EYS: variants seen among roughly 807,000 people sequenced by gnomAD.
The protein encoded by EYS is EGF-like photoreceptor maintenance factor, also known as protein eyes shut homolog.
EYS carries 250 observed loss-of-function variants against 282.1 expected under a neutral mutation model. That is an observed-to-expected ratio of 0.89 (90% confidence interval 0.80 to 0.98). The LOEUF is 0.98. Ranked by LOEUF, EYS falls within the 50% of genes least tolerant of loss-of-function variation. The pLI is 0.00. For synonymous variants in EYS, 1,355 were observed against 1,282.9 expected, an observed-to-expected ratio of 1.06 and a Z score of -1.20; for missense variants, 4,016 against 3,709.0, an observed-to-expected ratio of 1.08 and a Z score of -2.15.
intron 34 of EYS, among the ~76,000 whole-genome samples, chr6:63,985,265 T>C (rs1333900264): frequency 6.6e-6 from 1 of 151,632 alleles, no homozygotes; most frequent in African/African-American, 2.4e-5. Context: ...GGGTGATGCA[T>C]CTATGGGCTA....
intron 15 of EYS, among the ~76,000 whole-genome samples, chr6:64,916,797 A>G (rs1453431724): frequency 6.6e-6 from 1 of 152,230 alleles, no homozygotes; most frequent in Non-Finnish European, 1.5e-5. Flanking sequence ...AGGTTAATAC[A>G]TTCTAATTTG....
chr6:64,469,902 G>A (rs1776065528), intron 26 of EYS, among the ~76,000 whole-genome samples: 1 of 152,108 alleles, frequency 6.6e-6, no homozygotes, highest in African/African-American at 2.4e-5. Flanking sequence ...GATAATAGTA[G>A]CAAAATTAGT....
At chr6:63,792,785 G>T (rs1390906944) in intron 37 of EYS, among the ~76,000 whole-genome samples, 3 of 151,994 alleles carry the variant, frequency 2.0e-5, no homozygotes, top group Non-Finnish European at 2.9e-5. Context: ...AGTTGCATGG[G>T]GCTTTAAGTT....
intron 26 of EYS, among the ~76,000 whole-genome samples, chr6:64,515,445 T>C (rs375802820): frequency 1.3e-5 from 2 of 151,484 alleles, no homozygotes; most frequent in East Asian, 3.9e-4. Flanking sequence ...AAAATTGTTA[T>C]GGACACCTGT....
chr6:64,442,937 A>G (rs1367506806), intron 26 of EYS, among the ~76,000 whole-genome samples: 2 of 140,094 alleles, frequency 1.4e-5, no homozygotes, highest in African/African-American at 5.2e-5. Context: ...CAGAGTCCCT[A>G]CTGGGGCACT....
intron 12 of EYS, among the ~76,000 whole-genome samples, chr6:65,156,648 C>T (rs1216675086): frequency 6.6e-6 from 1 of 151,160 alleles, no homozygotes; most frequent in Admixed American, 6.6e-5. Flanking sequence ...GTCATTAGGA[C>T]TGTGACATGA....
chr6:65,666,812 TA>T (rs1487677678), intron 1 of EYS, among the ~76,000 whole-genome samples: 1 of 151,366 alleles, frequency 6.6e-6, no homozygotes, highest in Non-Finnish European at 1.5e-5. Context: ...CTTTATCTGT[TA>T]TTTGTATTTC....
At chr6:64,634,001 T>C (rs1767883082) in intron 22 of EYS, among the ~76,000 whole-genome samples, 3 of 152,126 alleles carry the variant, frequency 2.0e-5, no homozygotes, top group Admixed American at 2.0e-4. Flanking sequence ...TTTGTTTGTT[T>C]GAGATAGAGT....
intron 29 of EYS, among the ~76,000 whole-genome samples, chr6:64,333,702 A>G (rs534866677): frequency 6.6e-6 from 1 of 152,288 alleles, no homozygotes; most frequent in African/African-American, 2.4e-5. Flanking sequence ...GAAAACCCAA[A>G]GGACCCAAGT....
chr6:65,552,268 A>G (rs1302039400), intron 2 of EYS, among the ~76,000 whole-genome samples: 4 of 152,098 alleles, frequency 2.6e-5, no homozygotes. Flanking sequence ...GTCTTTAAAG[A>G]TTGCTTTTAC....
At chr6:63,739,437 T>A (rs1769016752) in intron 41 of EYS, among the ~76,000 whole-genome samples, 1 of 152,110 alleles carries the variant, frequency 6.6e-6, no homozygotes, top group African/African-American at 2.4e-5. Context: ...CTTCCTGTCA[T>A]CTTCTCTTTA....
intron 22 of EYS, among the ~76,000 whole-genome samples, chr6:64,799,900 T>G (rs1263051488): frequency 6.6e-6 from 1 of 151,868 alleles, no homozygotes; most frequent in Non-Finnish European, 1.5e-5. Context: ...AAAATACTAA[T>G]AACATTCTCT....
chr6:65,003,693 C>T (rs919741035), intron 13 of EYS, among the ~76,000 whole-genome samples: 1 of 147,000 alleles, frequency 6.8e-6, no homozygotes, highest in Non-Finnish European at 1.5e-5. Context: ...GTACTCTGTC[C>T]CTTTATTTCT....
rs1357411188 is a variant in EYS, at chr6:63,834,433, G to A, written c.7229-28061C>T. Among the ~76,000 whole-genome samples, 3 of 151,970 alleles carry A rather than the reference G, an allele frequency of 2.0e-5. No individual in the cohort carries two copies. In the East Asian group the frequency reaches 5.8e-4, roughly 29 times the overall value. On this transcript the variant is annotated intron_variant, in intron 36 of 42. Coordinates refer to ENST00000503581, the MANE Select transcript of EYS (RefSeq NM_001142800.2). ...TTCTCAAAAGAAGACATTCATACAG[G>A]CAACAGACACATGAAAAAATGCTCA...
intron 29 of EYS, among the ~76,000 whole-genome samples, chr6:64,335,593 G>A (rs6932371): frequency 0.036 from 5,546 of 152,146 alleles, 318 homozygotes; most frequent in African/African-American, 0.13. Flanking sequence ...CGTATGTCCG[G>A]CTGAGCCAGT....
chr6:64,861,355 G>A (rs979521683), intron 19 of EYS, among the ~76,000 whole-genome samples: 1 of 152,210 alleles, frequency 6.6e-6, no homozygotes, highest in Admixed American at 6.5e-5. Context: ...ACTGGAGGGG[G>A]CACAAGGAAC....
At position 64,754,848 on chromosome 6, in the gene EYS, A is replaced by G. The variant is rs369985894; in HGVS notation, c.3443+58530T>C. ...AAGCCAACATCATACTGAATGGAGA[A>G]AAGTTAAAAACATTCCCCCTAAGAT... is the stretch of plus-strand genomic sequence containing the variant. On this transcript the variant is annotated intron_variant, in intron 22 of 42. Coordinates refer to ENST00000503581, the MANE Select transcript of EYS (RefSeq NM_001142800.2). Among the ~76,000 whole-genome samples, 11 of 152,310 alleles carry G rather than the reference A, an allele frequency of 7.2e-5. No individual in the cohort carries two copies. The East Asian group carries it at 1.5e-3, about 21-fold the overall frequency.
intron 33 of EYS, among the ~76,000 whole-genome samples, chr6:64,017,586 C>G: frequency 6.6e-6 from 1 of 152,164 alleles, no homozygotes; most frequent in East Asian, 1.9e-4. Context: ...TGCACATATG[C>G]TGACCTGAAG....
chr6:64,390,410 C>A (rs900938206), intron 28 of EYS, among the ~76,000 whole-genome samples: 2 of 152,026 alleles, frequency 1.3e-5, no homozygotes, highest in African/African-American at 4.8e-5. Flanking sequence ...GTTCTCCCAG[C>A]ACGCAGCTGG....
Sources: allele counts gnomAD v4.1 joint callset (sites outside exome capture counted in the v4.1 genomes callset), GRCh38; gene constraint gnomAD v4.1.1; transcripts MANE v1.5; gene names NCBI Gene and HGNC (gene_info 2026-07-23, HGNC 2026-07-21).